The following PITRM1 variants were observed in gnomAD, a reference collection of about 807,000 sequenced individuals.
PITRM1 encodes presequence protease, mitochondrial.
Under a neutral mutation model 129.9 loss-of-function variants are expected in PITRM1, and 100 were observed. The ratio of observed to expected loss-of-function variants is 0.77; its 90% CI spans 0.65 to 0.91. The LOEUF is 0.91. PITRM1 is among the 40% of genes least tolerant of loss of function. The probability of loss-of-function intolerance (pLI) is 0.00; values close to 1 mark genes in which losing one functional copy is unlikely to be tolerated. For synonymous variants in PITRM1, 591 were observed against 508.8 expected, an observed-to-expected ratio of 1.16 and a Z score of -2.17; for missense variants, 1,471 against 1,318.3, an observed-to-expected ratio of 1.12 and a Z score of -1.79.
Position 3,149,665 on chromosome 10 carries a change from C to T in PITRM1, c.1827G>A (p.Glu609=). The T allele has an allele frequency of 5.0e-6, 8 of 1,604,560 alleles. No homozygotes were observed. The highest frequency in any genetic ancestry group is 5.1e-6 in the Non-Finnish European group (6 of 1,176,512). ...RAFSSLNTLP[E]ELRPYVPLFC... ...AGAGGGGCACATAGGGCCTCAGCTCCTCGGGGAGTGTGTTCAGGCTGGAGA... is the reference window on the plus strand; with the variant it reads ...AGAGGGGCACATAGGGCCTCAGCTCTTCGGGGAGTGTGTTCAGGCTGGAGA... Residue 609 remains glutamate, a synonymous_variant, in exon 16 of 27, where the codon GAG becomes GAA. Transcript: ENST00000224949.
chr10:3,155,439 C>A (rs1841893936), intron 14 of PITRM1, among the ~76,000 whole-genome samples, 152 bp downstream of exon 14: 1 of 152,216 alleles, frequency 6.6e-6, no homozygotes, highest in African/African-American at 2.4e-5. Flanking sequence ...CTGAGAATAT[C>A]TGAACTCAAT....
intron 15 of PITRM1, among the ~76,000 whole-genome samples, chr10:3,150,241 C>A (rs1423622915): frequency 6.9e-6 from 1 of 144,774 alleles, no homozygotes; most frequent in African/African-American, 2.4e-5. Context: ...CTTCATATGT[C>A]CCTACCTAGC....
At chr10:3,172,403 A>T (rs1186286447) in intron 1 of PITRM1, among the ~76,000 whole-genome samples, 2 of 152,164 alleles carry the variant, frequency 1.3e-5, no homozygotes, top group African/African-American at 4.8e-5. Context: ...GTCAGCGAGA[A>T]CCGCAAATGC....
intron 7 of PITRM1, 74 bp downstream of exon 7, chr10:3,163,651 G>T: frequency 8.2e-7 from 1 of 1,226,348 alleles, no homozygotes. Context: ...GAGAAGCCAT[G>T]CCATAAACTG....
chr10:3,139,624 T>C (rs1194142034), intron 24 of PITRM1, among the ~76,000 whole-genome samples: 1 of 152,188 alleles, frequency 6.6e-6, no homozygotes, highest in Non-Finnish European at 1.5e-5. Flanking sequence ...AGAGTGGCAA[T>C]GGCTACCTAC....
Position 3,139,953 on chromosome 10 carries a change from C to G in PITRM1, c.2771+734G>C, listed in dbSNP as rs1210193283. On this transcript the variant is annotated intron_variant, in intron 24 of 26. Transcript: ENST00000224949. ...CTAACAGAACTGCATCCACATCAGG[C>G]ACCTCCAACTGAAATGAGCTAAGAA... Among the ~76,000 whole-genome samples, 7 of 152,344 alleles carry G rather than the reference C, an allele frequency of 4.6e-5. No homozygotes were observed. In the East Asian group the frequency reaches 1.3e-3, roughly 29 times the overall value.
chr10:3,144,509 A>AAAAAT (rs61175822), intron 21 of PITRM1, 143 bp from the exon 22 acceptor site: 91,529 of 584,816 alleles, frequency 0.16, 7,934 homozygotes, highest in African/African-American at 0.21. Context: ...AACGCTTAAA[A>AAAAAT]AAAATAAAAA....
At chr10:3,159,807 C>A (rs1842289996) in intron 9 of PITRM1, 41 bp downstream of exon 9, 1 of 1,187,502 alleles carries the variant, frequency 8.4e-7, no homozygotes, top group Non-Finnish European at 1.2e-6. Flanking sequence ...ACATTTTCCT[C>A]ATGTTTTTGT....
At chr10:3,171,958 A>G (rs1843405608) in intron 1 of PITRM1, among the ~76,000 whole-genome samples, 1 of 152,270 alleles carries the variant, frequency 6.6e-6, no homozygotes, top group African/African-American at 2.4e-5. Context: ...GATAATATGT[A>G]CAGGAAGAAA....
intron 7 of PITRM1, among the ~76,000 whole-genome samples, chr10:3,162,527 T>C (rs1309061579): frequency 1.3e-5 from 2 of 152,110 alleles, no homozygotes; most frequent in Non-Finnish European, 2.9e-5. Context: ...AAGCAGATCT[T>C]CCCAAGGCAG....
intron 1 of PITRM1, among the ~76,000 whole-genome samples, chr10:3,172,475 CGGGCA>C (rs1334095038): frequency 6.6e-6 from 1 of 152,168 alleles, no homozygotes; most frequent in African/African-American, 2.4e-5. Flanking sequence ...GGGAGCGCCG[CGGGCA>C]GGCCCGGCCC....
intron 6 of PITRM1, among the ~76,000 whole-genome samples, chr10:3,164,827 T>A (rs1382738089): frequency 6.6e-6 from 1 of 152,212 alleles, no homozygotes; most frequent in Non-Finnish European, 1.5e-5. Flanking sequence ...TTTTTGCAAA[T>A]CTCTGTAGCG....
intron 14 of PITRM1, among the ~76,000 whole-genome samples, chr10:3,154,165 G>A (rs1315221913): frequency 6.6e-6 from 1 of 152,198 alleles, no homozygotes; most frequent in Non-Finnish European, 1.5e-5. Context: ...CTTTCCCTTT[G>A]TGGGAAGCTT....
At chr10:3,164,023 TAAA>T (rs5782688) in intron 6 of PITRM1, 138 bp from the exon 7 acceptor site, 388 of 332,776 alleles carry the variant, frequency 1.2e-3, no homozygotes, top group East Asian at 1.5e-3. Context: ...TCTAATGGTT[TAAA>T]AAAAAAAAAA....
rs770689506 is a variant in PITRM1 at position 3,159,875 on chromosome 10, G to A, written c.980C>T (p.Thr327Ile). ...SFATDPSKQT[T>I]ISVSFLLPDI... ...CGGTAAGAGGAAGCTAACGCTGATG[G>A]TTGTTTGTTTAGAGGGATCTGTAGC... The change falls in exon 9 of 27, where the codon ACC becomes ATC. Residue 327 changes from threonine (T) to isoleucine (I), a missense_variant. Coordinates refer to ENST00000224949, the MANE Select transcript of PITRM1 (RefSeq NM_014889.4). The A allele has an allele frequency of 1.0e-5, 16 of 1,604,152 alleles. No individual in the cohort carries two copies. In the African/African-American group the frequency reaches 2.0e-4, roughly 20 times the overall value.
At chr10:3,138,528 AC>A in intron 25 of PITRM1, 191 bp from the exon 26 acceptor site, 2 of 613,996 alleles carry the variant, frequency 3.3e-6, no homozygotes, top group Non-Finnish European at 5.8e-6. Flanking sequence ...GCTGACCCCT[AC>A]CCACGCCTGC....
At chr10:3,155,926 T>C (rs1463103540) in intron 13 of PITRM1, among the ~76,000 whole-genome samples, 197 bp from the exon 14 acceptor site, 1 of 152,206 alleles carries the variant, frequency 6.6e-6, no homozygotes, top group African/African-American at 2.4e-5. Flanking sequence ...CTTACCACCA[T>C]ACCTGCCTAT....
chr10:3,159,251 C>T (rs1842237371), intron 9 of PITRM1, among the ~76,000 whole-genome samples: 1 of 152,304 alleles, frequency 6.6e-6, no homozygotes, highest in African/African-American at 2.4e-5. Context: ...CTTCACTGCA[C>T]ACGAAATGCT....
intron 18 of PITRM1, 22 bp downstream of exon 18, chr10:3,147,965 C>A (rs755761893): frequency 5.1e-6 from 8 of 1,566,156 alleles, no homozygotes; most frequent in Non-Finnish European, 7.0e-6. Context: ...CAAGAATGGA[C>A]AACTCTTGCA....
Sources: allele counts gnomAD v4.1 joint callset (sites outside exome capture counted in the v4.1 genomes callset), GRCh38; gene constraint gnomAD v4.1.1; transcripts MANE v1.5; gene names NCBI Gene and HGNC (gene_info 2026-07-23, HGNC 2026-07-21).